FMN2: variants seen among roughly 807,000 people sequenced by gnomAD.
The protein encoded by FMN2 is formin-2.
FMN2 carries 51 observed loss-of-function variants against 142.3 expected under a neutral mutation model. That is an observed-to-expected ratio of 0.36 (90% CI 0.29 to 0.45). The LOEUF is 0.45. FMN2 is among the 20% of genes least tolerant of loss of function. The probability of loss-of-function intolerance (pLI) is 1.00; values close to 1 mark genes in which losing one functional copy is unlikely to be tolerated. For synonymous variants in FMN2, 882 were observed against 869.8 expected (o/e 1.01, Z -0.25); for missense variants, 1,936 against 2,122.8 (o/e 0.91, Z 1.73).
chr1:240,449,961 A>G (rs1675951881), intron 16 of FMN2, among the ~76,000 whole-genome samples: 2 of 152,158 alleles, frequency 1.3e-5, no homozygotes, highest in African/African-American at 4.8e-5. Context: ...AGTGTACAAT[A>G]CATATTATTA....
chr1:240,103,738 A>G (rs1661493178), intron 1 of FMN2, among the ~76,000 whole-genome samples: 1 of 152,176 alleles, frequency 6.6e-6, no homozygotes, highest in African/African-American at 2.4e-5. Context: ...TCCATTCTGC[A>G]TGAAGCAAGA....
chr1:240,165,446 G>A (rs112372037), intron 2 of FMN2, among the ~76,000 whole-genome samples: 95 of 151,342 alleles, frequency 6.3e-4, no homozygotes, highest in African/African-American at 2.2e-3. Flanking sequence ...AAAAGTGTTG[G>A]CATGACTGGC....
chr1:240,278,118 A>G (rs1253467339), intron 7 of FMN2, among the ~76,000 whole-genome samples: 1 of 152,184 alleles, frequency 6.6e-6, no homozygotes, highest in African/African-American at 2.4e-5. Flanking sequence ...GCATATATTA[A>G]TGCTTCTTGC....
chr1:240,177,888 T>A (rs201141753), intron 2 of FMN2, 33 bp from the exon 3 acceptor site: 1 of 1,517,296 alleles, frequency 6.6e-7, no homozygotes, highest in African/African-American at 1.4e-5. Context: ...ACTGAATTAA[T>A]AGCATTTCAA....
At chr1:240,130,829 A>T (rs1023472761) in intron 2 of FMN2, among the ~76,000 whole-genome samples, 5 of 150,260 alleles carry the variant, frequency 3.3e-5, no homozygotes, top group African/African-American at 1.2e-4. Context: ...GGAATTCTTA[A>T]ATTCTTTCTC....
intron 16 of FMN2, among the ~76,000 whole-genome samples, chr1:240,459,608 T>A (rs1676368143): frequency 6.6e-6 from 1 of 151,410 alleles, no homozygotes; most frequent in African/African-American, 2.4e-5. Context: ...TTGCAGCTAC[T>A]CAGGAGGCTG....
At chr1:240,120,788 GA>G (rs1369127445) in intron 1 of FMN2, among the ~76,000 whole-genome samples, 2 of 152,194 alleles carry the variant, frequency 1.3e-5, no homozygotes, top group Non-Finnish European at 2.9e-5. Flanking sequence ...TGTGGCCCTG[GA>G]AGGGACCCTA....
chr1:240,246,145 A>G (rs1668076133), intron 6 of FMN2, among the ~76,000 whole-genome samples: 1 of 151,984 alleles, frequency 6.6e-6, no homozygotes, highest in East Asian at 1.9e-4. Context: ...GCACCACTGC[A>G]CTCCAGCCTG....
chr1:240,319,885 C>A (rs1053875308), intron 8 of FMN2, among the ~76,000 whole-genome samples: 1 of 152,192 alleles, frequency 6.6e-6, no homozygotes, highest in African/African-American at 2.4e-5. Flanking sequence ...TCCCCTCCCC[C>A]GCAAATGAAA....
intron 13 of FMN2, among the ~76,000 whole-genome samples, chr1:240,334,844 CTTA>C (rs1423981034): frequency 6.6e-6 from 1 of 152,018 alleles, no homozygotes; most frequent in Non-Finnish European, 1.5e-5. Context: ...TCTTGATATT[CTTA>C]TTGAGTTGCG....
chr1:240,115,367 CATTT>C lies in FMN2; in HGVS notation c.1616-7810_1616-7807del, dbSNP rs529102449. ...GATAAATACTTGACATGCATTATCT[CATTT>C]AGTCATCATAATACTCCCATGATGC... is the stretch of plus-strand genomic sequence containing the variant. On this transcript the variant is annotated intron_variant, in intron 1 of 17. Transcript: ENST00000319653. Among the ~76,000 whole-genome samples the C allele has an allele frequency of 1.4e-4, 22 of 152,238 alleles. No homozygotes were observed. The South Asian group carries it at 4.6e-3, about 32-fold the overall frequency.
At chr1:240,102,722 G>A (rs1249190703) in intron 1 of FMN2, among the ~76,000 whole-genome samples, 1 of 152,164 alleles carries the variant, frequency 6.6e-6, no homozygotes, top group African/African-American at 2.4e-5. Flanking sequence ...GAAAAATCCA[G>A]AAGTATGTTG....
chr1:240,143,670 C>G, intron 2 of FMN2: 1 of 1,609,638 alleles, frequency 6.2e-7, no homozygotes, highest in Non-Finnish European at 8.5e-7. Flanking sequence ...CCTCGATGGC[C>G]TCACCCTTCC....
In FMN2 at chr1:240,320,440, C is replaced by T. The variant is rs114038174; in HGVS notation, c.4216-8636C>T. ...CATGTAAATGGCAAAGAACCAGGTA[C>T]TTAGCACAGAAGACAAATGAGGAAA... is the stretch of plus-strand genomic sequence containing the variant. On this transcript the variant is annotated intron_variant, in intron 8 of 17. Transcript: ENST00000319653. Among the ~76,000 whole-genome samples, 992 of 152,306 alleles carry T rather than the reference C, an allele frequency of 6.5e-3. 11 individuals carry two copies. Among genetic ancestry groups the T allele is most frequent in the African/African-American group, 0.023 (940 of 41,574 alleles).
rs1030928846 is a variant in FMN2 at position 240,150,812 on chromosome 1, G to A, written c.1783-27109G>A. Among the ~76,000 whole-genome samples the A allele has an allele frequency of 1.1e-4, 16 of 152,284 alleles. No homozygotes were observed. The East Asian group carries it at 1.2e-3, about 11-fold the overall frequency. On this transcript the variant is annotated intron_variant, in intron 2 of 17. Transcript: ENST00000319653. ...TAGAGAAGCATTGAGATCTAGGTAT[G>A]ATAAACTCTGAAATGCCTGCTCTTA...
At chr1:240,372,639 CTTTTT>C (rs748480743) in intron 14 of FMN2, among the ~76,000 whole-genome samples, 1 of 114,844 alleles carries the variant, frequency 8.7e-6, no homozygotes, top group African/African-American at 3.2e-5. Flanking sequence ...GGAAGAATTT[CTTTTT>C]TTTTTTTTTT....
At position 240,092,571 on chromosome 1, in the gene FMN2, C is replaced by A. The variant is rs764454579; in HGVS notation, c.462C>A (p.Val154=). ...PGGPGPAEAR[V]GGRPIAEDVE... The stretch of plus-strand genomic sequence containing the variant: ...GTCCTGGGCCTGCCGAGGCTAGGGT[C>A]GGGGGCCGGCCGATCGCCGAGGATG... Residue 154 remains valine (V), a synonymous_variant, in exon 1 of 18, where the codon GTC becomes GTA. Transcript: ENST00000319653. 6.2e-7 allele frequency: 1 copy of A among 1,613,240 alleles called. No homozygotes were observed. Among genetic ancestry groups the A allele is most frequent in the African/African-American group, 1.3e-5 (1 of 74,884 alleles).
chr1:240,427,856 T>C (rs1219340833), intron 15 of FMN2, among the ~76,000 whole-genome samples: 1 of 152,240 alleles, frequency 6.6e-6, no homozygotes, highest in East Asian at 1.9e-4. Context: ...GCCTGACATA[T>C]TCAGTTGTCC....
intron 6 of FMN2, among the ~76,000 whole-genome samples, chr1:240,242,915 G>A (rs989777742): frequency 2.6e-5 from 4 of 152,228 alleles, no homozygotes; most frequent in African/African-American, 4.8e-5. Flanking sequence ...TAGGCTGCCC[G>A]AGTAAAGAGG....
Sources: gnomAD v4.1 joint callset for allele counts (sites outside exome capture counted in the v4.1 genomes callset) on GRCh38, gnomAD v4.1.1 for gene constraint, MANE v1.5 for transcripts, NCBI Gene and HGNC (gene_info 2026-07-23, HGNC 2026-07-21) for gene names.